ARHGEF3: variants seen among roughly 807,000 people sequenced by gnomAD.
ARHGEF3 encodes 59.8 kDA protein.
A neutral mutation model predicts 63.2 loss-of-function variants in ARHGEF3; 28 were observed. The ratio of observed to expected loss-of-function variants is 0.44; its 90% CI spans 0.33 to 0.61. The LOEUF is 0.61. ARHGEF3 is among the 20% of genes least tolerant of loss of function. The pLI is 0.03. For synonymous variants in ARHGEF3, 266 were observed against 254.2 expected, an observed-to-expected ratio of 1.05 and a Z score of -0.44; for missense variants, 533 against 659.3, an observed-to-expected ratio of 0.81 and a Z score of 2.10.
At position 57,056,145 on chromosome 3, in the gene ARHGEF3, T is replaced by C. The variant is rs184459685; in HGVS notation, c.-27-20969A>G. Among the ~76,000 whole-genome samples the C allele has an allele frequency of 6.8e-3, 1,028 of 152,032 alleles. 6 individuals carry two copies. The highest frequency in any genetic ancestry group is 0.012 in the Non-Finnish European group (797 of 67,956). ...GCTCACACCTGTAATCCTAGAACTT[T>C]GGGAGGCTGAGGTGGGCAGATCCCG... On this transcript the variant is annotated intron_variant, in intron 1 of 12. Transcript: ENST00000338458.
intron 4 of ARHGEF3, among the ~76,000 whole-genome samples, chr3:56,880,999 T>C (rs1253794313): frequency 6.7e-6 from 1 of 150,134 alleles, no homozygotes; most frequent in Non-Finnish European, 1.5e-5. Context: ...CATGGCTGGT[T>C]GCATCACAGA....
chr3:56,964,673 T>A (rs1700416376), intron 2 of ARHGEF3, among the ~76,000 whole-genome samples: 1 of 152,132 alleles, frequency 6.6e-6, no homozygotes, highest in Non-Finnish European at 1.5e-5. Context: ...AATTACAACA[T>A]GGCAAATTGC....
chr3:57,015,600 A>ATTTTT (rs11290143), intron 2 of ARHGEF3, among the ~76,000 whole-genome samples: 2 of 129,240 alleles, frequency 1.5e-5, no homozygotes, highest in Non-Finnish European at 1.6e-5. Context: ...CGCCCTGCTA[A>ATTTTT]TTTTTTTTTT....
rs1208995373 is a variant in ARHGEF3, at chr3:56,729,701, C to T, written c.1229-79G>A. The T allele has an allele frequency of 5.0e-6, 6 of 1,203,498 alleles. No individual in the cohort carries two copies. The East Asian group carries it at 1.4e-4, about 28-fold the overall frequency. 74.6% of individuals were successfully genotyped at this position (1,203,498 alleles called of 1,614,324 possible). On this transcript the variant is annotated intron_variant, in intron 9 of 9. Transcript: ENST00000296315. ...GCCAAAGAGAACACACGTAGTGACA[C>T]TAAACCCCAGAATCCATGGCAGGTA...
intron 3 of ARHGEF3, among the ~76,000 whole-genome samples, chr3:56,927,635 C>T (rs2042308123): frequency 6.6e-6 from 1 of 152,092 alleles, no homozygotes; most frequent in Admixed American, 6.6e-5. Context: ...TGTGTTTGTG[C>T]AGTATTTCCA....
chr3:56,990,237 C>A (rs993585671), intron 2 of ARHGEF3, among the ~76,000 whole-genome samples: 1 of 152,146 alleles, frequency 6.6e-6, no homozygotes, highest in African/African-American at 2.4e-5. Flanking sequence ...TGGGGCAAAG[C>A]AAATGGAAGG....
chr3:57,007,446 G>A, intron 2 of ARHGEF3: 1 of 1,108,448 alleles, frequency 9.0e-7, no homozygotes, highest in Non-Finnish European at 1.2e-6. Context: ...GTGAGAATTT[G>A]GTCTTCCAGG....
chr3:56,995,859 A>T (rs1701968850), intron 2 of ARHGEF3, among the ~76,000 whole-genome samples: 1 of 152,196 alleles, frequency 6.6e-6, no homozygotes, highest in Non-Finnish European at 1.5e-5. Flanking sequence ...TAGTCTAGTT[A>T]GTGAGAACCT....
intron 2 of ARHGEF3, among the ~76,000 whole-genome samples, chr3:57,028,856 G>C (rs993631068): frequency 6.6e-6 from 1 of 152,032 alleles, no homozygotes; most frequent in Non-Finnish European, 1.5e-5. Flanking sequence ...ATTATAATTT[G>C]CTGTGTAGAG....
chr3:56,858,243 C>CAAA (rs10543472), intron 4 of ARHGEF3, among the ~76,000 whole-genome samples: 1 of 88,104 alleles, frequency 1.1e-5, no homozygotes, highest in African/African-American at 4.2e-5. Context: ...GACCCTGTCT[C>CAAA]AAAAAAAAAA....
chr3:56,821,111 C>T (rs909390839), intron 4 of ARHGEF3, among the ~76,000 whole-genome samples: 12 of 151,592 alleles, frequency 7.9e-5, no homozygotes, highest in African/African-American at 1.9e-4. Flanking sequence ...GAGCAGTGAT[C>T]GGGCCACTGC....
intron 2 of ARHGEF3, among the ~76,000 whole-genome samples, chr3:57,034,037 C>T (rs868183230): frequency 1.3e-5 from 2 of 152,016 alleles, no homozygotes; most frequent in Middle Eastern, 6.8e-3. Flanking sequence ...AGAGCAAAAA[C>T]TCTGTCTCAA....
At chr3:57,040,088 A>C (rs1252047750) in intron 1 of ARHGEF3, among the ~76,000 whole-genome samples, 1 of 152,200 alleles carries the variant, frequency 6.6e-6, no homozygotes, top group Non-Finnish European at 1.5e-5. Context: ...GATGACCTAC[A>C]ACCACATGCG....
At position 56,729,325 on chromosome 3, in the gene ARHGEF3, A is replaced by G; in HGVS notation, c.1526T>C (p.Met509Thr). Residue 509 changes from methionine (M) to threonine (T), a missense_variant, in exon 10 of 10, where the codon ATG (methionine) becomes ACG (threonine). Transcript: ENST00000296315. Reference sequence around the variant, plus strand: ...TCCACAGGAAGAGTCTGTCTGTTCCATGCGCTCACAGTCGAGGCTGACCTC... The same window carrying G: ...TCCACAGGAAGAGTCTGTCTGTTCCGTGCGCTCACAGTCGAGGCTGACCTC... ...TSEVSLDCER[M>T]EQTDSSCGNS... is the part of the protein sequence containing the mutation. The G allele has an allele frequency of 6.2e-7, 1 of 1,614,098 alleles. No individual in the cohort carries two copies.
chr3:56,864,055 A>G (rs770462787), intron 4 of ARHGEF3, among the ~76,000 whole-genome samples: 2 of 152,158 alleles, frequency 1.3e-5, no homozygotes, highest in African/African-American at 4.8e-5. Flanking sequence ...CCAGGACACC[A>G]CCATCTCTCA....
rs755298051 is a variant in ARHGEF3 at position 57,035,061 on chromosome 3, T to C, written c.62+27A>G. ...CATACAGGAATTTTAAAATTTTTAATTATTTAGGTTATTTGATTATTTTTA... is the reference window on the plus strand; with the variant it reads ...CATACAGGAATTTTAAAATTTTTAACTATTTAGGTTATTTGATTATTTTTA... On this transcript the variant is annotated intron_variant, in intron 2 of 12. Transcript: ENST00000338458. 2.3e-4 allele frequency: 343 copies of C among 1,499,940 alleles called. 1 individual carries two copies. The highest frequency in any genetic ancestry group is 1.5e-4 in the Non-Finnish European group (164 of 1,123,444). 92.9% of individuals were successfully genotyped at this position (1,499,940 alleles called of 1,614,324 possible). A position where few individuals can be genotyped will look rare whatever the true frequency, so the allele number is the denominator to read the frequency against.
intron 3 of ARHGEF3, among the ~76,000 whole-genome samples, chr3:56,918,989 G>GT (rs2042057066): frequency 6.6e-6 from 1 of 152,186 alleles, no homozygotes; most frequent in Non-Finnish European, 1.5e-5. Context: ...ATGCACTGGT[G>GT]TTAAAAAGCC....
intron 4 of ARHGEF3, among the ~76,000 whole-genome samples, chr3:56,857,445 C>T (rs1203098190): frequency 1.3e-5 from 2 of 152,172 alleles, no homozygotes; most frequent in Non-Finnish European, 2.9e-5. Context: ...CATATCAACC[C>T]AGTGGCTACT....
intron 1 of ARHGEF3, among the ~76,000 whole-genome samples, chr3:57,046,543 G>A (rs896836069): frequency 5.3e-5 from 8 of 152,332 alleles, no homozygotes; most frequent in African/African-American, 1.9e-4. Context: ...TAAAGTTAGT[G>A]GGAAAATCCT....
Sources: gnomAD v4.1 joint callset for allele counts (sites outside exome capture counted in the v4.1 genomes callset) on GRCh38, gnomAD v4.1.1 for gene constraint, MANE v1.5 for transcripts, NCBI Gene and HGNC (gene_info 2026-07-23, HGNC 2026-07-21) for gene names.